RBM20: variants seen among roughly 807,000 people sequenced by gnomAD.
RBM20 encodes RNA-binding protein 20.
A neutral mutation model predicts 110.1 loss-of-function variants in RBM20; 51 were observed. The ratio of observed to expected loss-of-function variants is 0.46; its 90% CI spans 0.37 to 0.59. The LOEUF is 0.59. Ranked by LOEUF, RBM20 falls within the 20% of genes least tolerant of loss-of-function variation. The pLI is 0.00. For synonymous variants in RBM20, 589 were observed against 618.2 expected, an observed-to-expected ratio of 0.95 and a Z score of 0.70; for missense variants, 1,512 against 1,574.9, an observed-to-expected ratio of 0.96 and a Z score of 0.68.
chr10:110,760,522 T>A (rs1203550792), intron 1 of RBM20, among the ~76,000 whole-genome samples: 1 of 135,984 alleles, frequency 7.4e-6, no homozygotes, highest in Non-Finnish European at 1.5e-5. Flanking sequence ...CTCACTGCAA[T>A]CTCTGCCTCC....
At chr10:110,720,330 C>G (rs1843490464) in intron 1 of RBM20, among the ~76,000 whole-genome samples, 1 of 152,228 alleles carries the variant, frequency 6.6e-6, no homozygotes, top group Non-Finnish European at 1.5e-5. Flanking sequence ...CGGCCACCAG[C>G]AGGGGACTAG....
Position 110,644,401 on chromosome 10 carries a change from G to T in RBM20, c.-54G>T. On this transcript the variant is annotated 5_prime_UTR_variant, in exon 1 of 14. Transcript: ENST00000369519. The surrounding 1 kb of genome is among the most constrained non-coding windows in gnomAD (Gnocchi z 4.3). ...CGGCCAGTGAGCGCCCGTGGCCCGG[G>T]ACCGCCCCTCCCTTGAGCTCTCTCG... 4 of 1,361,674 alleles carry T rather than the reference G, an allele frequency of 2.9e-6. No homozygotes were observed. Among genetic ancestry groups the T allele is most frequent in the Non-Finnish European group, 3.8e-6 (4 of 1,052,914 alleles). The allele number at this position is 1,361,674 out of a possible 1,614,324, so 84.3% of individuals were successfully genotyped here. A position where few individuals can be genotyped will look rare whatever the true frequency, so the allele number is the denominator to read the frequency against.
intron 1 of RBM20, among the ~76,000 whole-genome samples, chr10:110,698,933 A>T (rs759995383): frequency 3.9e-5 from 6 of 152,206 alleles, no homozygotes; most frequent in Admixed American, 6.5e-5. Flanking sequence ...GCACTTGGCA[A>T]AGGGCTGTCT....
rs770328474 is a variant in RBM20, at chr10:110,821,836, G to A, written c.3217G>A (p.Glu1073Lys). The A allele has an allele frequency of 2.6e-5, 41 of 1,551,612 alleles. No individual in the cohort carries two copies. Among genetic ancestry groups the A allele is most frequent in the Middle Eastern group, 3.3e-4 (2 of 6,014 alleles). Reference protein sequence around the residue: ...VDDCKTRGTPEDGACEGSPLE... With the variant: ...VDDCKTRGTPKDGACEGSPLE... ...TGATTGCAAGACCAGGGGGACCCCC[G>A]AAGATGGGGCTTGTGAAGGCAGCCC... The change falls in exon 11 of 14, where the codon GAA becomes AAA. Residue 1073 changes from glutamate (E) to lysine (K), a missense_variant. Physicochemically the swap from Glu to Lys is moderately conservative, Grantham distance 56 (BLOSUM62 1). Around this residue, in one of 3 missense-constraint regions of RBM20, gnomAD observed 358 missense variants for 384.2 expected, o/e 0.93. Transcript: ENST00000369519.
At chr10:110,722,736 T>C (rs1843522753) in intron 1 of RBM20, among the ~76,000 whole-genome samples, 1 of 152,140 alleles carries the variant, frequency 6.6e-6, no homozygotes, top group African/African-American at 2.4e-5. Flanking sequence ...CCTTGGAGGA[T>C]AGAGTGATGA....
intron 1 of RBM20, among the ~76,000 whole-genome samples, chr10:110,727,141 GC>G (rs1590639243): frequency 2.8e-5 from 3 of 106,434 alleles, no homozygotes; most frequent in South Asian, 3.3e-4. Context: ...ACTGCACCCA[GC>G]CTTTTTTTTT....
At chr10:110,828,576 C>A (rs1845010411) in intron 12 of RBM20, among the ~76,000 whole-genome samples, 1 of 152,194 alleles carries the variant, frequency 6.6e-6, no homozygotes, top group South Asian at 2.1e-4. Flanking sequence ...TTAACAGCTT[C>A]TGTGATGAAA....
intron 1 of RBM20, among the ~76,000 whole-genome samples, chr10:110,721,412 G>C (rs982062170): frequency 6.6e-6 from 1 of 152,166 alleles, no homozygotes; most frequent in Non-Finnish European, 1.5e-5. Flanking sequence ...AGTGGGCCTC[G>C]GAGTGGGCAG....
In RBM20 at chr10:110,780,979, C is replaced by A; in HGVS notation, c.370C>A (p.Leu124Ile). 6.4e-7 allele frequency: 1 copy of A among 1,551,802 alleles called. No individual in the cohort carries two copies. The highest frequency in any genetic ancestry group is 8.7e-7 in the Non-Finnish European group (1 of 1,147,024). ...AGCCGCCACAGTCCTGAACCAAGTCCTCTCCAAAGTGGCCATGTCCCAGCC... is the reference window on the plus strand; with the variant it reads ...AGCCGCCACAGTCCTGAACCAAGTCATCTCCAAAGTGGCCATGTCCCAGCC... Reference protein sequence around the residue: ...TAAATVLNQVLSKVAMSQPLF... With the variant: ...TAAATVLNQVISKVAMSQPLF... The change falls in exon 2 of 14, where the codon CTC (leucine) becomes ATC (isoleucine). Residue 124 changes from leucine (L) to isoleucine (I), a missense_variant. Leu to Ile is a conservative substitution (Grantham distance 5). Around this residue, in one of 3 missense-constraint regions of RBM20, gnomAD observed 1,149 missense variants for 1,169.4 expected, o/e 0.98. Coordinates refer to ENST00000369519, the MANE Select transcript of RBM20 (RefSeq NM_001134363.3).
chr10:110,707,538 G>A (rs773753260), intron 1 of RBM20, among the ~76,000 whole-genome samples: 4 of 152,190 alleles, frequency 2.6e-5, no homozygotes, highest in Non-Finnish European at 5.9e-5. Context: ...AAGGCAAAGA[G>A]CATAGATCTG....
intron 1 of RBM20, among the ~76,000 whole-genome samples, chr10:110,723,358 C>T (rs995315146): frequency 2.0e-5 from 3 of 152,212 alleles, no homozygotes; most frequent in African/African-American, 7.2e-5. Flanking sequence ...CTTTCCCCTT[C>T]CCTCATCCTC....
At chr10:110,818,279 A>C (rs980276380) in intron 9 of RBM20, among the ~76,000 whole-genome samples, 1 of 149,142 alleles carries the variant, frequency 6.7e-6, no homozygotes, top group African/African-American at 2.5e-5. Flanking sequence ...CAACAAGAGC[A>C]AAACTCCATC....
Position 110,812,411 on chromosome 10 carries a change from G to C in RBM20, c.2014G>C (p.Gly672Arg). 1 of 1,551,674 alleles carries C rather than the reference G, an allele frequency of 6.4e-7. No individual in the cohort carries two copies. Among genetic ancestry groups the C allele is most frequent in the Non-Finnish European group, 8.7e-7 (1 of 1,147,000 alleles). The part of the protein sequence containing the change: ...PGPSRADWGN[G>R]RDSWEHSPYA... ...CCCCTCCCGGGCTGACTGGGGCAAT[G>C]GCCGGGACTCCTGGGAGCACTCTCC... The change falls in exon 9 of 14, where the codon GGC (glycine) becomes CGC (arginine). Residue 672 changes from glycine (G) to arginine (R), a missense_variant. Transcript: ENST00000369519.
chr10:110,810,310 A>G, intron 7 of RBM20, 73 bp from the exon 8 acceptor site: 4 of 1,103,772 alleles, frequency 3.6e-6, no homozygotes, highest in Non-Finnish European at 5.4e-6. Context: ...TGAATGACCC[A>G]GGTCAGAGCT....
intron 1 of RBM20, among the ~76,000 whole-genome samples, chr10:110,730,914 G>A (rs149296518): frequency 2.3e-4 from 35 of 152,244 alleles, no homozygotes; most frequent in East Asian, 5.8e-4. Flanking sequence ...GTGTCAAGCC[G>A]CCCCCCATCC....
chr10:110,792,430 G>A (rs985909710), intron 5 of RBM20, among the ~76,000 whole-genome samples: 3 of 152,132 alleles, frequency 2.0e-5, no homozygotes, highest in African/African-American at 4.8e-5. Context: ...GCCAGGCATT[G>A]CCCCAAAGCA....
chr10:110,704,268 A>T (rs1194376097), intron 1 of RBM20, among the ~76,000 whole-genome samples: 1 of 152,214 alleles, frequency 6.6e-6, no homozygotes, highest in Non-Finnish European at 1.5e-5. Flanking sequence ...GTATATATGT[A>T]CCACAGTTTG....
At chr10:110,653,530 GAT>G (rs1491289905) in intron 1 of RBM20, among the ~76,000 whole-genome samples, 1 of 62,668 alleles carries the variant, frequency 1.6e-5, no homozygotes, top group Admixed American at 2.2e-4. Context: ...TCATATAGCT[GAT>G]TTTTTTTTTT....
chr10:110,788,016 T>C (rs1321598929), intron 5 of RBM20, among the ~76,000 whole-genome samples: 1 of 152,162 alleles, frequency 6.6e-6, no homozygotes, highest in African/African-American at 2.4e-5. Context: ...TATTGTACAG[T>C]TGGGAAACTG....
Sources: gnomAD v4.1 joint callset for allele counts (sites outside exome capture counted in the v4.1 genomes callset) on GRCh38, gnomAD v4.1.1 for gene constraint, gnomAD v4.1.1 regional missense constraint, Gnocchi (gnomAD v3.1) non-coding constraint, MANE v1.5 for transcripts, NCBI Gene and HGNC (gene_info 2026-07-23, HGNC 2026-07-21) for gene names.